GABRA3: variants seen among roughly 807,000 people sequenced by gnomAD.
GABRA3 encodes the protein gamma-aminobutyric acid receptor subunit alpha-3.
GABRA3 carries 10 observed loss-of-function variants against 30.1 expected under a neutral mutation model. The observed-to-expected ratio is 0.33, with a 90% CI of 0.20 to 0.56. The LOEUF (loss-of-function observed/expected upper bound fraction) is 0.56. GABRA3 is among the 20% of genes least tolerant of loss of function. The probability of loss-of-function intolerance (pLI) is 0.89; values close to 1 mark genes in which losing one functional copy is unlikely to be tolerated. For synonymous variants in GABRA3, 151 were observed against 146.8 expected (o/e 1.03, Z -0.21); for missense variants, 233 against 392.0 (o/e 0.59, Z 3.42).
chrX:152,409,131 T>C (rs1420748164), intron 1 of GABRA3, among the ~76,000 whole-genome samples: 1 of 111,382 alleles, frequency 9.0e-6, no homozygotes, highest in East Asian at 2.8e-4. Context: ...GGCAGGAAGA[T>C]CGCTTGAGGC....
At chrX:152,331,364 A>G (rs1940163637) in intron 3 of GABRA3, among the ~76,000 whole-genome samples, 1 of 110,800 alleles carries the variant, frequency 9.0e-6, no homozygotes. Flanking sequence ...ATCGTCCTCA[A>G]AGAGAGGCTG....
intron 1 of GABRA3, among the ~76,000 whole-genome samples, chrX:152,400,298 C>T (rs1929760258): frequency 9.1e-6 from 1 of 109,441 alleles, no homozygotes; most frequent in Non-Finnish European, 1.9e-5. Flanking sequence ...GCCTGGGCAA[C>T]ATAGAGTCTC....
intron 7 of GABRA3, among the ~76,000 whole-genome samples, chrX:152,198,991 C>T (rs1039287153): frequency 9.0e-6 from 1 of 111,335 alleles, no homozygotes; most frequent in Non-Finnish European, 1.9e-5. Context: ...AGGGTGGGCC[C>T]CTCATCCAAC....
intron 3 of GABRA3, among the ~76,000 whole-genome samples, chrX:152,295,324 G>T (rs1939507018): frequency 8.9e-6 from 1 of 112,546 alleles, no homozygotes; most frequent in African/African-American, 3.2e-5. Flanking sequence ...GAGGCAGCTG[G>T]CCTTGCTGAG....
At chrX:152,220,175 T>A (rs1011362739) in intron 6 of GABRA3, among the ~76,000 whole-genome samples, 3 of 111,806 alleles carry the variant, frequency 2.7e-5, no homozygotes, top group Admixed American at 9.5e-5. Context: ...ACCTAGGAAT[T>A]CCAACTTCTT....
chrX:152,322,546 T>A (rs1939980946), intron 3 of GABRA3, among the ~76,000 whole-genome samples: 1 of 110,652 alleles, frequency 9.0e-6, no homozygotes, highest in South Asian at 3.8e-4. Context: ...CTTTTTTTTT[T>A]TTTTGAGATG....
chrX:152,256,517 A>C (rs932530691), intron 4 of GABRA3, among the ~76,000 whole-genome samples: 3 of 112,149 alleles, frequency 2.7e-5, no homozygotes, highest in African/African-American at 9.7e-5. Flanking sequence ...TAGATAAATA[A>C]GATAAAAAAC....
intron 1 of GABRA3, among the ~76,000 whole-genome samples, chrX:152,367,099 A>C (rs895189106): frequency 9.0e-6 from 1 of 111,433 alleles, no homozygotes; most frequent in Admixed American, 9.5e-5. Context: ...GTGAAGGAAC[A>C]TCATACGAAT....
chrX:152,205,623 T>C (rs760187672), intron 7 of GABRA3, among the ~76,000 whole-genome samples: 2 of 112,209 alleles, frequency 1.8e-5, no homozygotes, highest in South Asian at 7.5e-4. Context: ...GGAAGGCTTT[T>C]CACTTTTTTT....
chrX:152,171,105 T>C (rs1235177345), intron 9 of GABRA3, among the ~76,000 whole-genome samples: 1 of 111,512 alleles, frequency 9.0e-6, no homozygotes, highest in East Asian at 2.8e-4. Context: ...TCTTTTTTCA[T>C]GGGTAGACCA....
chrX:152,408,321 C>A (rs1274154283), intron 1 of GABRA3, among the ~76,000 whole-genome samples: 2 of 110,613 alleles, frequency 1.8e-5, no homozygotes, highest in Non-Finnish European at 1.9e-5. Context: ...TTGTTAAAAA[C>A]CAAAAGATTC....
intron 3 of GABRA3, among the ~76,000 whole-genome samples, chrX:152,287,844 C>T (rs1327822719): frequency 9.1e-6 from 1 of 109,967 alleles, no homozygotes; most frequent in Non-Finnish European, 1.9e-5. Flanking sequence ...TTCCAATTTT[C>T]TTACCTGCCA....
In GABRA3 at chrX:152,206,851, G is replaced by C. The variant is rs766619126; in HGVS notation, c.778+1150C>G. ...GCCACTTGGACTGGTCCAGCCGGAG[G>C]CCTGCCATACATGACGCCAGGACCC... On this transcript the variant is annotated intron_variant, in intron 7 of 9. Coordinates refer to ENST00000370314, the MANE Select transcript of GABRA3 (RefSeq NM_000808.4). Among the ~76,000 whole-genome samples, 190 of 111,609 alleles carry C rather than the reference G, an allele frequency of 1.7e-3. 1 individual carries two copies. The highest frequency in any genetic ancestry group is 5.9e-3 in the African/African-American group (181 of 30,720).
intron 2 of GABRA3, among the ~76,000 whole-genome samples, chrX:152,358,098 T>A (rs1940579750): frequency 8.9e-6 from 1 of 111,844 alleles, no homozygotes; most frequent in African/African-American, 3.3e-5. Context: ...AGAATGTCAT[T>A]GGTAGTTTGA....
At chrX:152,409,731 G>C (rs1163078292) in intron 1 of GABRA3, among the ~76,000 whole-genome samples, 6 of 112,181 alleles carry the variant, frequency 5.3e-5, no homozygotes, top group Non-Finnish European at 1.1e-4. Context: ...CAAAGATGTG[G>C]AGAAAAGGCA....
At chrX:152,392,411 C>A in intron 1 of GABRA3, 1 of 303,270 alleles carries the variant, frequency 3.3e-6, no homozygotes, top group South Asian at 3.2e-5. Context: ...AAATTATATT[C>A]ATGGTACAGA....
intron 6 of GABRA3, among the ~76,000 whole-genome samples, chrX:152,211,598 G>A (rs1029869048): frequency 3.6e-5 from 4 of 111,871 alleles, no homozygotes; most frequent in Non-Finnish European, 7.5e-5. Flanking sequence ...TCTGCTTGGA[G>A]CCTGACCTGT....
At chrX:152,255,050 A>G (rs1938615050) in intron 5 of GABRA3, among the ~76,000 whole-genome samples, 1 of 111,757 alleles carries the variant, frequency 8.9e-6, no homozygotes, top group Non-Finnish European at 1.9e-5. Context: ...AATACATAAA[A>G]TTGTGATGTT....
At chrX:152,286,066 T>C (rs1939287189) in intron 3 of GABRA3, among the ~76,000 whole-genome samples, 1 of 95,893 alleles carries the variant, frequency 1.0e-5, no homozygotes, top group Non-Finnish European at 2.0e-5. Flanking sequence ...AGTTATATAC[T>C]TATAAGTTAG....
Sources: allele counts gnomAD v4.1 joint callset (sites outside exome capture counted in the v4.1 genomes callset), GRCh38; gene constraint gnomAD v4.1.1; transcripts MANE v1.5; gene names NCBI Gene and HGNC (gene_info 2026-07-23, HGNC 2026-07-21).